PGM1: variants seen among roughly 807,000 people sequenced by gnomAD.
PGM1 encodes the protein phosphoglucomutase-1.
PGM1 carries 52 observed loss-of-function variants against 55.6 expected under a neutral mutation model. That is an observed-to-expected ratio of 0.94 (90% CI 0.75 to 1.18). PGM1 has a LOEUF of 1.18. Among genes scored for constraint, PGM1 ranks in the 50% most tolerant of loss-of-function variants. PGM1 has a pLI of 0.00. For missense variants in PGM1, 724 were observed against 729.3 expected (o/e 0.99, Z 0.08); for synonymous variants, 287 against 271.7 (o/e 1.06, Z -0.55).
chr1:63,601,325 T>C (rs535356555), intron 1 of PGM1, among the ~76,000 whole-genome samples: 1 of 152,316 alleles, frequency 6.6e-6, no homozygotes, highest in South Asian at 2.1e-4. Flanking sequence ...TGAAGGAGTT[T>C]AGTAAAAAGC....
At chr1:63,652,956 G>A (rs1421696938) in intron 9 of PGM1, among the ~76,000 whole-genome samples, 1 of 152,198 alleles carries the variant, frequency 6.6e-6, no homozygotes, top group African/African-American at 2.4e-5. Context: ...AGAAAGGGGT[G>A]TAGAAAAGGA....
At chr1:63,657,570 G>T (rs572859052) in intron 10 of PGM1, among the ~76,000 whole-genome samples, 1 of 152,030 alleles carries the variant, frequency 6.6e-6, no homozygotes, top group East Asian at 1.9e-4. Flanking sequence ...GTTGTCCAAC[G>T]TATCTCTAAA....
chr1:63,600,120 G>A (rs1474879815), intron 1 of PGM1: 2 of 152,208 alleles, frequency 1.3e-5, no homozygotes, highest in African/African-American at 2.4e-5. Flanking sequence ...TCAGGAAGGG[G>A]ACCTGCCGAG....
At chr1:63,624,345 G>A (rs1348983725) in intron 1 of PGM1, among the ~76,000 whole-genome samples, 2 of 152,190 alleles carry the variant, frequency 1.3e-5, no homozygotes, top group Non-Finnish European at 2.9e-5. Context: ...GAAGCCGTGC[G>A]CATGGTGAAT....
intron 6 of PGM1, among the ~76,000 whole-genome samples, chr1:63,636,920 G>A (rs373816856): frequency 6.6e-6 from 1 of 152,142 alleles, no homozygotes; most frequent in African/African-American, 2.4e-5. Context: ...CGACTGGATC[G>A]CTCTTGCCCA....
chr1:63,654,220 C>T (rs1269791502), intron 9 of PGM1, 112 bp from the exon 10 acceptor site: 3 of 1,071,064 alleles, frequency 2.8e-6, no homozygotes, highest in Non-Finnish European at 4.3e-6. Context: ...AGGATTTAAC[C>T]CTCCAATGAA....
chr1:63,594,164 G>T (rs1377477923), intron 1 of PGM1: 2 of 982,304 alleles, frequency 2.0e-6, no homozygotes, highest in African/African-American at 3.5e-5. Context: ...CCGCCGCCTC[G>T]CCCAGAGCCC....
intron 1 of PGM1, among the ~76,000 whole-genome samples, chr1:63,627,077 A>G (rs2269254): frequency 0.16 from 18,127 of 115,504 alleles, 1,319 homozygotes; most frequent in South Asian, 0.2. Flanking sequence ...ACACACACAC[A>G]CACTTTTAAG....
intron 1 of PGM1, among the ~76,000 whole-genome samples, chr1:63,596,119 T>G (rs553369523): frequency 1.3e-5 from 2 of 152,294 alleles, no homozygotes; most frequent in East Asian, 3.9e-4. Context: ...GATTTTGTAC[T>G]CTTGTAAAGT....
intron 1 of PGM1, among the ~76,000 whole-genome samples, chr1:63,609,277 T>A (rs1648504947): frequency 6.6e-6 from 1 of 152,246 alleles, no homozygotes; most frequent in South Asian, 2.1e-4. Flanking sequence ...GAATGGTTAC[T>A]GGGCCCAGGC....
At chr1:63,627,162 T>G (rs1052028497) in intron 1 of PGM1, among the ~76,000 whole-genome samples, 2 of 151,758 alleles carry the variant, frequency 1.3e-5, no homozygotes, top group African/African-American at 4.8e-5. Flanking sequence ...GTTAGCGTTC[T>G]TTCCACCCTT....
At chr1:63,630,510 G>A (rs551762461) in intron 3 of PGM1, among the ~76,000 whole-genome samples, 87 of 152,330 alleles carry the variant, frequency 5.7e-4, no homozygotes, top group Non-Finnish European at 1.1e-3. Context: ...AAGGCTGAGA[G>A]AGATTAAGTA....
intron 3 of PGM1, among the ~76,000 whole-genome samples, chr1:63,631,267 C>T (rs1200999029): frequency 2.6e-5 from 4 of 152,178 alleles, no homozygotes; most frequent in African/African-American, 7.2e-5. Flanking sequence ...ACATTTTCTA[C>T]TCTCTATAAC....
chr1:63,641,531 G>A (rs1649518302), intron 7 of PGM1, among the ~76,000 whole-genome samples: 1 of 152,102 alleles, frequency 6.6e-6, no homozygotes, highest in African/African-American at 2.4e-5. Context: ...TATGAACTTT[G>A]AAACATTTGA....
chr1:63,637,380 C>G (rs1003941601), intron 6 of PGM1, among the ~76,000 whole-genome samples: 6 of 152,212 alleles, frequency 3.9e-5, no homozygotes, highest in African/African-American at 1.2e-4. Context: ...AACCCAGAGC[C>G]TTTGCTCCCA....
At chr1:63,598,964 A>C (rs569812174) in intron 1 of PGM1, among the ~76,000 whole-genome samples, 4 of 152,154 alleles carry the variant, frequency 2.6e-5, no homozygotes, top group Non-Finnish European at 5.9e-5. Flanking sequence ...CTTTCATGAG[A>C]TCCATCTGCA....
chr1:63,629,664 C>G, intron 2 of PGM1, 77 bp downstream of exon 2: 1 of 1,456,682 alleles, frequency 6.9e-7, no homozygotes, highest in Non-Finnish European at 9.6e-7. Context: ...CTTGGGAGAC[C>G]AGGGTTTTGG....
At chr1:63,647,506 T>C (rs992103910) in intron 7 of PGM1, among the ~76,000 whole-genome samples, 2 of 149,050 alleles carry the variant, frequency 1.3e-5, no homozygotes, top group African/African-American at 2.4e-5. Context: ...CTAAGATTTA[T>C]ATATATAAAT....
chr1:63,622,457 G>A (rs1381204340), intron 1 of PGM1, among the ~76,000 whole-genome samples: 1 of 152,148 alleles, frequency 6.6e-6, no homozygotes, highest in Non-Finnish European at 1.5e-5. Context: ...GACTTAAACT[G>A]CTTCCCTAAA....
Sources: gnomAD v4.1 joint callset for allele counts (sites outside exome capture counted in the v4.1 genomes callset) on GRCh38, gnomAD v4.1.1 for gene constraint, MANE v1.5 for transcripts, NCBI Gene and HGNC (gene_info 2026-07-23, HGNC 2026-07-21) for gene names.